Variants in PTPRZ1 observed in about 807,000 individuals in gnomAD.
PTPRZ1 encodes the protein protein tyrosine phosphatase receptor type Z1, also known as receptor-type tyrosine-protein phosphatase zeta.
A neutral mutation model predicts 214.1 loss-of-function variants in PTPRZ1; 82 were observed. The ratio of observed to expected loss-of-function variants is 0.38; its 90% confidence interval spans 0.32 to 0.46. The LOEUF (loss-of-function observed/expected upper bound fraction) is 0.46. Ranked by LOEUF, PTPRZ1 falls within the 20% of genes least tolerant of loss-of-function variation. The pLI, the probability that PTPRZ1 is intolerant of heterozygous loss-of-function variation, is 1.00. For missense variants in PTPRZ1, 2,603 were observed against 2,748.7 expected (o/e 0.95, Z 1.19); for synonymous variants, 945 against 987.9 (o/e 0.96, Z 0.81).
At chr7:121,899,660 G>A (rs1013718381) in intron 1 of PTPRZ1, among the ~76,000 whole-genome samples, 1 of 152,134 alleles carries the variant, frequency 6.6e-6, no homozygotes, top group African/African-American at 2.4e-5. Flanking sequence ...CCATGCCCTA[G>A]ACCTGGGGAA....
At chr7:121,974,178 C>T (rs1563045332) in intron 4 of PTPRZ1, among the ~76,000 whole-genome samples, 2 of 151,908 alleles carry the variant, frequency 1.3e-5, no homozygotes, top group South Asian at 4.1e-4. Context: ...AGATGGATAT[C>T]GACATTCATT....
At chr7:121,933,508 C>G (rs2116392637) in intron 2 of PTPRZ1, among the ~76,000 whole-genome samples, 1 of 152,062 alleles carries the variant, frequency 6.6e-6, no homozygotes, top group Admixed American at 6.5e-5. Context: ...GCATTCGATT[C>G]AAATAAGAAA....
intron 21 of PTPRZ1, among the ~76,000 whole-genome samples, 168 bp from the exon 22 acceptor site, chr7:122,042,440 C>T (rs924369744): frequency 3.3e-5 from 5 of 152,148 alleles, no homozygotes; most frequent in African/African-American, 9.7e-5. Context: ...TAAAGCATTA[C>T]GCTTAATTAC....
rs771850256 is a variant in PTPRZ1, at chr7:122,012,891, T to G, written c.3845T>G (p.Val1282Gly). The stretch of plus-strand genomic sequence containing the variant: ...TTAAAAAGTGAAAGTTCCCACCAAG[T>G]GGTACCTTCTTTGTACAGTAATGAT... ...VLLKSESSHQ[V>G]VPSLYSNDEL... Residue 1282 changes from valine to glycine, a missense_variant, in exon 12 of 30, where the codon GTG (valine) becomes GGG (glycine). Transcript: ENST00000393386. 6.2e-7 allele frequency: 1 copy of G among 1,614,152 alleles called. No homozygotes were observed. The highest frequency in any genetic ancestry group is 8.5e-7 in the Non-Finnish European group (1 of 1,180,002).
Position 122,011,386 on chromosome 7 carries a change from C to T in PTPRZ1, c.2340C>T (p.Ile780=). The T allele has an allele frequency of 6.2e-7, 1 of 1,614,002 alleles. No individual in the cohort carries two copies. The highest frequency in any genetic ancestry group is 8.5e-7 in the Non-Finnish European group (1 of 1,179,908). The change falls in exon 12 of 30, where the codon ATC becomes ATT. Residue 780 remains isoleucine, a synonymous_variant. Transcript: ENST00000393386. ...CCCCTTTGTTGCTTGACAATCAGAT[C>T]CTCAACACTACCCCTGCTGCTTCAA... The part of the protein sequence containing the change: ...LVTPLLLDNQ[I]LNTTPAASSS...
At chr7:121,898,262 G>GTTT (rs5887058) in intron 1 of PTPRZ1, among the ~76,000 whole-genome samples, 393 of 149,868 alleles carry the variant, frequency 2.6e-3, no homozygotes, top group African/African-American at 8.3e-3. Context: ...AATGTGATGG[G>GTTT]TTTTTTTTTT....
At chr7:121,943,613 CAGGCG>C (rs1796294545) in intron 2 of PTPRZ1, among the ~76,000 whole-genome samples, 1 of 152,182 alleles carries the variant, frequency 6.6e-6, no homozygotes, top group Non-Finnish European at 1.5e-5. Context: ...GCTGGGATTA[CAGGCG>C]TGAGCCACTG....
intron 10 of PTPRZ1, among the ~76,000 whole-genome samples, chr7:122,004,063 T>C (rs1798404097): frequency 6.6e-6 from 1 of 152,142 alleles, no homozygotes; most frequent in African/African-American, 2.4e-5. Flanking sequence ...TTTTACCTGG[T>C]GCAGCACCCA....
At chr7:122,025,047 T>C (rs1799167341) in intron 13 of PTPRZ1, among the ~76,000 whole-genome samples, 1 of 152,214 alleles carries the variant, frequency 6.6e-6, no homozygotes. Flanking sequence ...TGGGATTTAC[T>C]TGCTATTAGA....
intron 27 of PTPRZ1, among the ~76,000 whole-genome samples, chr7:122,055,616 T>C (rs894328391): frequency 6.6e-6 from 1 of 151,874 alleles, no homozygotes; most frequent in African/African-American, 2.4e-5. Flanking sequence ...TTTACTAAAG[T>C]CTTGGTTATC....
In PTPRZ1 at chr7:122,036,576, A is replaced by C. The variant is rs1799544563; in HGVS notation, c.5285-24A>C. On this transcript the variant is annotated intron_variant, in intron 17 of 29. Transcript: ENST00000393386. The stretch of plus-strand genomic sequence containing the variant: ...CTGAAAAGTAGTCTGTGCTACAATG[A>C]AATATATTCTCTTTATATTACAGAT... 4.0e-6 allele frequency: 6 copies of C among 1,485,552 alleles called. No individual in the cohort carries two copies. In the South Asian group the frequency reaches 7.0e-5, roughly 17 times the overall value. 92.0% of individuals were successfully genotyped at this position (1,485,552 alleles called of 1,614,324 possible).
At chr7:122,030,140 T>G (rs974086537) in intron 14 of PTPRZ1, among the ~76,000 whole-genome samples, 2 of 152,014 alleles carry the variant, frequency 1.3e-5, no homozygotes, top group African/African-American at 4.8e-5. Flanking sequence ...CAAACTCCCC[T>G]GTTTTGAGTG....
intron 8 of PTPRZ1, among the ~76,000 whole-genome samples, chr7:121,994,297 T>C (rs937768619): frequency 3.9e-5 from 5 of 128,090 alleles, no homozygotes; most frequent in African/African-American, 1.5e-4. Context: ...TTCTTTTTTT[T>C]TTTTTTTTTT....
At chr7:121,954,471 C>T (rs928925183) in intron 2 of PTPRZ1, among the ~76,000 whole-genome samples, 1 of 152,150 alleles carries the variant, frequency 6.6e-6, no homozygotes, top group Non-Finnish European at 1.5e-5. Flanking sequence ...AGTTGGATAC[C>T]TGTTTATTGA....
At chr7:121,889,480 AC>A (rs1794514454) in intron 1 of PTPRZ1, among the ~76,000 whole-genome samples, 1 of 152,202 alleles carries the variant, frequency 6.6e-6, no homozygotes, top group South Asian at 2.1e-4. Flanking sequence ...CATAATTGAA[AC>A]ATTGGTGTTT....
intron 2 of PTPRZ1, among the ~76,000 whole-genome samples, chr7:121,951,833 C>G (rs1196487): frequency 0.62 from 93,957 of 152,100 alleles, 29,620 homozygotes; most frequent in African/African-American, 0.74. Flanking sequence ...CAAGGAACCT[C>G]CTCATCCAAA....
intron 20 of PTPRZ1, among the ~76,000 whole-genome samples, chr7:122,040,440 C>T (rs59960685): frequency 6.6e-6 from 1 of 152,146 alleles, no homozygotes; most frequent in Non-Finnish European, 1.5e-5. Context: ...GTAACCTATC[C>T]TATCAGTCTT....
chr7:121,948,515 T>C (rs115833218), intron 2 of PTPRZ1, among the ~76,000 whole-genome samples: 226 of 152,128 alleles, frequency 1.5e-3, no homozygotes, highest in African/African-American at 5.3e-3. Context: ...TTAGCAAAGG[T>C]GGGGAGGACC....
Position 122,028,642 on chromosome 7 carries a change from A to C in PTPRZ1, c.5079A>C (p.Ser1693=). 6.6e-7 allele frequency: 1 copy of C among 1,523,856 alleles called. No individual in the cohort carries two copies. Among genetic ancestry groups the C allele is most frequent in the Non-Finnish European group, 9.1e-7 (1 of 1,098,454 alleles). The allele number at this position is 1,523,856 out of a possible 1,614,324, so 94.4% of individuals were successfully genotyped here. ...STPPTPIFPI[S]DDVGAIPIKH... ...CTCCAACACCTATCTTTCCAATTTCAGGTAATGGCTTAAAGTGTGACCATG... is the reference window on the plus strand; with the variant it reads ...CTCCAACACCTATCTTTCCAATTTCCGGTAATGGCTTAAAGTGTGACCATG... Residue 1693 remains serine (S), a splice_region_variant and synonymous_variant, in exon 14 of 30, where the codon TCA becomes TCC. Transcript: ENST00000393386.
Sources: gnomAD v4.1 joint callset for allele counts (sites outside exome capture counted in the v4.1 genomes callset) on GRCh38, gnomAD v4.1.1 for gene constraint, MANE v1.5 for transcripts, NCBI Gene and HGNC (gene_info 2026-07-23, HGNC 2026-07-21) for gene names.